LRRK1: variants seen among roughly 807,000 people sequenced by gnomAD.
LRRK1 encodes leucine-rich repeat serine/threonine-protein kinase 1.
In LRRK1, 113 loss-of-function variants were observed where a neutral mutation model predicts 209.1. The ratio of observed to expected loss-of-function variants is 0.54; its 90% CI spans 0.46 to 0.63. LRRK1 has a LOEUF of 0.63. Among genes scored for constraint, LRRK1 ranks in the 30% least tolerant of loss-of-function variants. The pLI is 0.00. For missense variants in LRRK1, 2,284 were observed against 2,632.2 expected, an observed-to-expected ratio of 0.87 and a Z score of 2.89; for synonymous variants, 1,144 against 1,099.7, an observed-to-expected ratio of 1.04 and a Z score of -0.80.
At chr15:101,038,423 A>G (rs138252826) in intron 20 of LRRK1, among the ~76,000 whole-genome samples, 9 of 152,320 alleles carry the variant, frequency 5.9e-5, no homozygotes, top group African/African-American at 2.2e-4. Context: ...CTCAGGTCTC[A>G]GAGAGTGTGA....
At chr15:101,043,713 A>G (rs1219732094) in intron 20 of LRRK1, 1 of 152,232 alleles carries the variant, frequency 6.6e-6, no homozygotes. Context: ...TGAAGTTGGG[A>G]CGCACAAGTA....
At chr15:100,993,994 A>G (rs1241503150) in intron 6 of LRRK1, among the ~76,000 whole-genome samples, 7 of 152,216 alleles carry the variant, frequency 4.6e-5, no homozygotes, top group East Asian at 1.9e-4. Context: ...CTGGCACATA[A>G]TAAGTGCTCA....
intron 2 of LRRK1, among the ~76,000 whole-genome samples, chr15:100,963,434 C>T (rs1332434092): frequency 6.6e-6 from 1 of 152,194 alleles, no homozygotes; most frequent in Non-Finnish European, 1.5e-5. Flanking sequence ...GGCCTTGTTC[C>T]TCTGTAAAAT....
At chr15:100,966,777 T>C (rs1366822803) in intron 2 of LRRK1, among the ~76,000 whole-genome samples, 2 of 152,214 alleles carry the variant, frequency 1.3e-5, no homozygotes, top group African/African-American at 4.8e-5. Flanking sequence ...ATTTTTATAA[T>C]GTAAAGAAAA....
chr15:100,962,816 T>TATATACATATATATATATATAC (rs2030128763), intron 2 of LRRK1, among the ~76,000 whole-genome samples: 2 of 32,742 alleles, frequency 6.1e-5, no homozygotes, highest in African/African-American at 1.9e-4. Context: ...TATATATATA[T>TATATACATATATATATATATAC]ATATATATTT....
intron 20 of LRRK1, among the ~76,000 whole-genome samples, chr15:101,039,496 T>C (rs1455498008): frequency 6.6e-6 from 1 of 152,238 alleles, no homozygotes; most frequent in Non-Finnish European, 1.5e-5. Flanking sequence ...CCAGTAGATT[T>C]TTCAGGATTT....
intron 3 of LRRK1, among the ~76,000 whole-genome samples, chr15:100,976,220 T>C (rs1326947623): frequency 1.3e-5 from 2 of 152,234 alleles, no homozygotes. Context: ...ATGGTTTTAC[T>C]GGTGTGTTCT....
intron 2 of LRRK1, among the ~76,000 whole-genome samples, chr15:100,931,964 T>C (rs371960193): frequency 1.3e-5 from 2 of 150,944 alleles, no homozygotes; most frequent in Non-Finnish European, 2.9e-5. Flanking sequence ...TAATCACTGT[T>C]AGCTGAGTGT....
At chr15:101,050,390 G>A (rs1039621075) in intron 23 of LRRK1, among the ~76,000 whole-genome samples, 4 of 152,204 alleles carry the variant, frequency 2.6e-5, no homozygotes, top group African/African-American at 7.2e-5. Context: ...GGGTGGAGAC[G>A]ACTCCCAGAG....
At chr15:101,033,646 C>A (rs1287981371) in intron 20 of LRRK1, among the ~76,000 whole-genome samples, 1 of 151,992 alleles carries the variant, frequency 6.6e-6, no homozygotes, top group Non-Finnish European at 1.5e-5. Flanking sequence ...GTATATGGAC[C>A]TTTCTTTATC....
intron 2 of LRRK1, among the ~76,000 whole-genome samples, chr15:100,954,734 A>G (rs1256502735): frequency 1.3e-5 from 2 of 152,192 alleles, no homozygotes; most frequent in African/African-American, 4.8e-5. Flanking sequence ...TTTCGACACT[A>G]TTTATTGAAA....
chr15:101,002,853 C>T (rs1346627542), intron 6 of LRRK1, among the ~76,000 whole-genome samples: 1 of 152,202 alleles, frequency 6.6e-6, no homozygotes, highest in Non-Finnish European at 1.5e-5. Context: ...GCCTCAGCCT[C>T]CCAAGTAGCT....
In LRRK1 at chr15:100,920,814, A is replaced by T. The variant is rs544931958; in HGVS notation, c.-123+1363A>T. ...ATCAGTCCTCTTTATGGAGTCCTTC[A>T]GTAGCTTCTCCTTGCAACTGGCACG... On this transcript the variant is annotated intron_variant, in intron 1 of 33. Transcript: ENST00000388948. Among the ~76,000 whole-genome samples the T allele has an allele frequency of 8.9e-4, 135 of 152,162 alleles. 2 individuals are homozygous for T. The highest frequency in any genetic ancestry group is 3.3e-3 in the African/African-American group (135 of 41,498).
chr15:101,044,904 A>G (rs1364095355), intron 20 of LRRK1, among the ~76,000 whole-genome samples: 2 of 152,242 alleles, frequency 1.3e-5, no homozygotes, highest in Non-Finnish European at 2.9e-5. Context: ...GGAATAAGAC[A>G]GGACACTCTG....
Position 101,068,712 on chromosome 15 carries a change from T to C in LRRK1, c.5912T>C (p.Val1971Ala). ...GCCGTGGTGGCAAAGGACACTGTTG[T>C]GTGCACCTTTGAAAATGAAAACACA... ...DAAVVAKDTV[V>A]CTFENENTEW... The change falls in exon 34 of 34, where the codon GTG (valine) becomes GCG (alanine). Residue 1971 changes from valine to alanine, a missense_variant. Coordinates refer to ENST00000388948, the MANE Select transcript of LRRK1 (RefSeq NM_024652.6). The C allele has an allele frequency of 1.2e-6, 2 of 1,612,912 alleles. No individual in the cohort carries two copies. The highest frequency in any genetic ancestry group is 1.7e-6 in the Non-Finnish European group (2 of 1,179,312).
intron 2 of LRRK1, among the ~76,000 whole-genome samples, chr15:100,967,845 A>G (rs2030570842): frequency 6.6e-6 from 1 of 152,218 alleles, no homozygotes; most frequent in South Asian, 2.1e-4. Flanking sequence ...TCACTCTTAA[A>G]TACTGTAGCA....
chr15:100,948,527 T>G (rs905999100), intron 2 of LRRK1, among the ~76,000 whole-genome samples: 3 of 152,272 alleles, frequency 2.0e-5, no homozygotes, highest in Non-Finnish European at 4.4e-5. Context: ...TTGCAAATTT[T>G]TTTTTCTAAG....
At chr15:100,934,626 C>CAA (rs71151991) in intron 2 of LRRK1, among the ~76,000 whole-genome samples, 861 of 72,346 alleles carry the variant, frequency 0.012, 54 homozygotes, top group African/African-American at 0.023. Context: ...CCCATCTCTA[C>CAA]AAAAAAAAAA....
At chr15:100,972,124 G>A (rs574492009) in intron 2 of LRRK1, among the ~76,000 whole-genome samples, 70 of 151,752 alleles carry the variant, frequency 4.6e-4, no homozygotes, top group Non-Finnish European at 8.2e-4. Flanking sequence ...CACCACACCC[G>A]GCTAATTTTT....
Sources: allele counts gnomAD v4.1 joint callset (sites outside exome capture counted in the v4.1 genomes callset), GRCh38; gene constraint gnomAD v4.1.1; transcripts MANE v1.5; gene names NCBI Gene and HGNC (gene_info 2026-07-23, HGNC 2026-07-21).